The following KDM3A variants were observed in gnomAD, a reference collection of about 807,000 sequenced individuals.
KDM3A encodes lysine demethylase 3A.
KDM3A carries 60 observed loss-of-function variants against 158.0 expected under a neutral mutation model. The observed-to-expected ratio is 0.38, with a 90% confidence interval of 0.31 to 0.47. The LOEUF (loss-of-function observed/expected upper bound fraction) is 0.47. KDM3A is among the 20% of genes least tolerant of loss of function. KDM3A has a pLI of 0.99. For synonymous variants in KDM3A, 608 were observed against 549.3 expected, an observed-to-expected ratio of 1.11 and a Z score of -1.49; for missense variants, 1,319 against 1,574.3, an observed-to-expected ratio of 0.84 and a Z score of 2.74.
chr2:86,491,564 G>C (rs933636936), intron 25 of KDM3A: 18 of 413,238 alleles, frequency 4.4e-5, no homozygotes, highest in Non-Finnish European at 8.9e-6. Context: ...TCTTGGCCCA[G>C]CTGCCTGTCG....
At chr2:86,486,441 T>C (rs1674184244) in intron 21 of KDM3A, among the ~76,000 whole-genome samples, 1 of 152,208 alleles carries the variant, frequency 6.6e-6, no homozygotes, top group African/African-American at 2.4e-5. Context: ...ACTGAGATCT[T>C]CGTCAGTTTT....
At position 86,478,027 on chromosome 2, in the gene KDM3A, A is replaced by G; in HGVS notation, c.2090A>G (p.Gln697Arg). Residue 697 changes from glutamine to arginine, a missense_variant and splice_region_variant, in exon 13 of 26, where the codon CAG becomes CGG. Physicochemically the swap from Gln to Arg is conservative, Grantham distance 43. Around this residue, in one of 4 missense-constraint regions of KDM3A, gnomAD observed 368 missense variants for 415.8 expected, o/e 0.89. Transcript: ENST00000312912. ...CYRMKRKNCQ[Q>R]GAAYKTFSWL... ...CGGATGAAGAGAAAGAATTGCCAAC[A>G]GGGTGAGAACCGATTTGATTCTCCT... 6.2e-7 allele frequency: 1 copy of G among 1,614,186 alleles called. No individual in the cohort carries two copies. Among genetic ancestry groups the G allele is most frequent in the South Asian group, 1.1e-5 (1 of 91,088 alleles).
intron 2 of KDM3A, among the ~76,000 whole-genome samples, chr2:86,448,578 CTT>C (rs1275237080): frequency 1.3e-5 from 2 of 152,094 alleles, no homozygotes; most frequent in Admixed American, 6.5e-5. Context: ...GGGGACCTCT[CTT>C]GGGAGAGAGA....
intron 10 of KDM3A, among the ~76,000 whole-genome samples, chr2:86,468,032 C>A (rs1673234401): frequency 6.6e-6 from 1 of 152,048 alleles, no homozygotes; most frequent in African/African-American, 2.4e-5. Context: ...GCTCAAAAAA[C>A]AAACAAACGA....
At chr2:86,442,395 A>G (rs1193139730) in intron 2 of KDM3A, 162 bp downstream of exon 2, 6 of 684,464 alleles carry the variant, frequency 8.8e-6, no homozygotes, top group African/African-American at 5.4e-5. Flanking sequence ...GAATGGTTGT[A>G]TAGAGCCGAG....
rs1674149382 is a variant in KDM3A, at chr2:86,485,824, G to A, written c.3278G>A (p.Arg1093Gln). The change falls in exon 21 of 26, where the codon CGG becomes CAG. Residue 1093 changes from arginine (R) to glutamine (Q), a missense_variant. Arg to Gln is a conservative substitution (Grantham distance 43). Around this residue, in one of 4 missense-constraint regions of KDM3A, gnomAD observed 186 missense variants for 340.9 expected, o/e 0.55. Coordinates refer to ENST00000312912, the MANE Select transcript of KDM3A (RefSeq NM_018433.6). Reference protein sequence around the residue: ...LASRLPNYFVRPDLGPKMYNA... With the variant: ...LASRLPNYFVQPDLGPKMYNA... Reference sequence around the variant, plus strand: ...TCTAGGCTGCCAAACTACTTTGTTCGGCCAGATCTGGGCCCCAAGATGTAT... The same window carrying A: ...TCTAGGCTGCCAAACTACTTTGTTCAGCCAGATCTGGGCCCCAAGATGTAT... 1 of 1,614,002 alleles carries A rather than the reference G, an allele frequency of 6.2e-7. No homozygotes were observed.
At chr2:86,437,956 T>C (rs1255758903), upstream of KDM3A, among the ~76,000 whole-genome samples, 3 of 152,166 alleles carry the variant, frequency 2.0e-5, no homozygotes, top group African/African-American at 7.2e-5. Flanking sequence ...TTCCAATGTT[T>C]ACATTGTATT....
intron 8 of KDM3A, among the ~76,000 whole-genome samples, chr2:86,460,542 C>T (rs1672883571): frequency 6.6e-6 from 1 of 152,152 alleles, no homozygotes; most frequent in African/African-American, 2.4e-5. Flanking sequence ...AGAAGACAGG[C>T]ATTTGGGACT....
At chr2:86,469,048 A>G (rs1673282451) in intron 10 of KDM3A, among the ~76,000 whole-genome samples, 1 of 152,060 alleles carries the variant, frequency 6.6e-6, no homozygotes, top group African/African-American at 2.4e-5. Context: ...TGAACTACTA[A>G]TCTCTTTATT....
intron 9 of KDM3A, among the ~76,000 whole-genome samples, chr2:86,465,938 C>CAAA (rs10541366): frequency 8.5e-5 from 10 of 117,974 alleles, no homozygotes; most frequent in South Asian, 2.9e-4. Flanking sequence ...AATTTACACA[C>CAAA]AAAAAAAAAA....
chr2:86,484,223 A>C (rs1451759491), intron 19 of KDM3A, 65 bp downstream of exon 19: 2 of 1,404,570 alleles, frequency 1.4e-6, no homozygotes, highest in African/African-American at 1.4e-5. Flanking sequence ...GAATGGCAGG[A>C]GTCTGAGACC....
chr2:86,463,492 C>G (rs1260928918), intron 8 of KDM3A, among the ~76,000 whole-genome samples: 1 of 152,192 alleles, frequency 6.6e-6, no homozygotes, highest in Non-Finnish European at 1.5e-5. Flanking sequence ...CCTGTCATAA[C>G]TTGATATTTT....
intron 21 of KDM3A, among the ~76,000 whole-genome samples, chr2:86,486,761 C>T (rs938114688): frequency 6.6e-6 from 1 of 152,158 alleles, no homozygotes; most frequent in African/African-American, 2.4e-5. Context: ...GCAAGGACTC[C>T]AGCCCCACAA....
chr2:86,491,787 C>T, intron 25 of KDM3A: 1 of 473,952 alleles, frequency 2.1e-6, no homozygotes, highest in South Asian at 3.1e-5. Flanking sequence ...CCTGTACTCA[C>T]TGTGAGTAGG....
chr2:86,437,355 T>C (rs1682509040), upstream of KDM3A, among the ~76,000 whole-genome samples: 1 of 152,170 alleles, frequency 6.6e-6, no homozygotes, highest in Middle Eastern at 3.2e-3. Context: ...TTGGCCAGGC[T>C]GGTCTCAAAC....
upstream of KDM3A, among the ~76,000 whole-genome samples, chr2:86,439,149 T>C (rs1291717694): frequency 6.6e-6 from 1 of 152,032 alleles, no homozygotes; most frequent in Non-Finnish European, 1.5e-5. Flanking sequence ...ATCTTCTTAG[T>C]TTTCTATGTA....
At chr2:86,460,220 T>G (rs1424363152) in intron 8 of KDM3A, among the ~76,000 whole-genome samples, 2 of 152,108 alleles carry the variant, frequency 1.3e-5, no homozygotes, top group Admixed American at 6.6e-5. Flanking sequence ...AGAGACCTGA[T>G]TTTTTTTGTT....
At chr2:86,439,331 T>G (rs1388596652), upstream of KDM3A, among the ~76,000 whole-genome samples, 3 of 151,976 alleles carry the variant, frequency 2.0e-5, no homozygotes, top group African/African-American at 7.2e-5. Flanking sequence ...ATCAATTACC[T>G]AAAAAAAATG....
In KDM3A at chr2:86,478,602, C is replaced by G. The variant is rs1444395138; in HGVS notation, c.2189-6C>G. 3 of 1,613,758 alleles carry G rather than the reference C, an allele frequency of 1.9e-6. No homozygotes were observed. Among genetic ancestry groups the G allele is most frequent in the African/African-American group, 2.7e-5 (2 of 74,896 alleles). On this transcript the variant is annotated splice_region_variant and splice_polypyrimidine_tract_variant and intron_variant, in intron 14 of 25. Transcript: ENST00000312912. ...GTTCAGATGTTTGCCTCTGCCCTTT[C>G]TTTAGCACTCTATGATGTTGGAGAC...
Sources: gnomAD v4.1 joint callset for allele counts (sites outside exome capture counted in the v4.1 genomes callset) on GRCh38, gnomAD v4.1.1 for gene constraint, gnomAD v4.1.1 regional missense constraint, MANE v1.5 for transcripts, NCBI Gene and HGNC (gene_info 2026-07-23, HGNC 2026-07-21) for gene names.